Variants in GAS7 observed in about 807,000 individuals in gnomAD.
GAS7 encodes the protein growth arrest specific 7.
Under a neutral mutation model 71.1 loss-of-function variants are expected in GAS7, and 28 were observed. That is an observed-to-expected ratio of 0.39 (90% CI 0.29 to 0.54). The LOEUF is 0.54. Among genes scored for constraint, GAS7 ranks in the 20% least tolerant of loss-of-function variants. The pLI is 0.62. For missense variants in GAS7, 436 were observed against 627.8 expected, an observed-to-expected ratio of 0.69 and a Z score of 3.27; for synonymous variants, 258 against 245.8, an observed-to-expected ratio of 1.05 and a Z score of -0.46.
intron 1 of GAS7, among the ~76,000 whole-genome samples, chr17:10,144,630 A>G (rs2142100634): frequency 6.6e-6 from 1 of 151,986 alleles, no homozygotes; most frequent in East Asian, 1.9e-4. Flanking sequence ...TGCAGCTTTG[A>G]CCTCCAGGGC....
intron 1 of GAS7, among the ~76,000 whole-genome samples, chr17:10,121,734 G>C (rs970922656): frequency 2.6e-5 from 4 of 152,112 alleles, no homozygotes; most frequent in African/African-American, 9.7e-5. Flanking sequence ...AAAAGCATGG[G>C]GTATTGAAGA....
At chr17:10,065,251 T>C (rs1339977746) in intron 1 of GAS7, among the ~76,000 whole-genome samples, 1 of 152,252 alleles carries the variant, frequency 6.6e-6, no homozygotes, top group Non-Finnish European at 1.5e-5. Flanking sequence ...TTCTTGAGCC[T>C]GCACTTGTGG....
intron 1 of GAS7, among the ~76,000 whole-genome samples, chr17:10,145,269 A>C (rs1567609495): frequency 6.6e-6 from 1 of 152,260 alleles, no homozygotes; most frequent in Non-Finnish European, 1.5e-5. Context: ...TCAAAAGGAA[A>C]GAAAACACTC....
At chr17:10,102,928 G>A (rs1379096317) in intron 1 of GAS7, among the ~76,000 whole-genome samples, 1 of 152,080 alleles carries the variant, frequency 6.6e-6, no homozygotes, top group African/African-American at 2.4e-5. Flanking sequence ...ACACATTTTA[G>A]GAAACTGTCT....
At position 9,926,786 on chromosome 17, in the gene GAS7, G is replaced by A; in HGVS notation, c.886-17C>T. On this transcript the variant is annotated splice_polypyrimidine_tract_variant and intron_variant, in intron 9 of 13. Coordinates refer to ENST00000432992, the MANE Select transcript of GAS7 (RefSeq NM_201433.2). This position sits in a 1 kb window ranked among gnomAD's most constrained non-coding sequence, Gnocchi z 5.0. ...GCTGTGAAGCTGTTGGGAGAGTAGA[G>A]ACGCACACTCAGGACCCAGGGCATC... 1 of 1,613,972 alleles carries A rather than the reference G, an allele frequency of 6.2e-7. No homozygotes were observed. The highest frequency in any genetic ancestry group is 8.5e-7 in the Non-Finnish European group (1 of 1,179,874).
At chr17:9,986,507 A>G (rs552779982) in intron 2 of GAS7, among the ~76,000 whole-genome samples, 3 of 152,132 alleles carry the variant, frequency 2.0e-5, no homozygotes, top group Non-Finnish European at 4.4e-5. Flanking sequence ...TCCTCTCCCC[A>G]TCCCCCATCC....
intron 2 of GAS7, among the ~76,000 whole-genome samples, chr17:9,983,828 C>A (rs1468980069): frequency 5.3e-5 from 8 of 152,064 alleles, no homozygotes; most frequent in African/African-American, 1.9e-4. Flanking sequence ...ATTTTAAAAA[C>A]TTTCCAAAAT....
At chr17:9,953,598 C>T (rs1448030854) in intron 5 of GAS7, among the ~76,000 whole-genome samples, 3 of 152,222 alleles carry the variant, frequency 2.0e-5, no homozygotes, top group African/African-American at 7.2e-5. Flanking sequence ...AATCCAGATC[C>T]AGCTGACTGC....
chr17:9,917,363 C>G (rs776492239), intron 13 of GAS7, 22 bp from the exon 14 acceptor site: 1 of 1,547,982 alleles, frequency 6.5e-7, no homozygotes, highest in African/African-American at 1.4e-5. Context: ...AGAGAAAATG[C>G]GACACTGTTA....
intron 5 of GAS7, among the ~76,000 whole-genome samples, chr17:9,949,070 G>C (rs989681356): frequency 2.6e-5 from 4 of 152,092 alleles, no homozygotes; most frequent in African/African-American, 7.2e-5. Flanking sequence ...ACTGCAGCTG[G>C]GACAGGAGGG....
chr17:10,185,949 ATTTTTT>A (rs148937908), intron 1 of GAS7, among the ~76,000 whole-genome samples: 2 of 92,534 alleles, frequency 2.2e-5, no homozygotes, highest in Admixed American at 1.3e-4. Flanking sequence ...ATCAGTCTGC[ATTTTTT>A]TTTTTTTTTT....
At chr17:10,128,580 G>A (rs1296502171) in intron 1 of GAS7, among the ~76,000 whole-genome samples, 8 of 150,838 alleles carry the variant, frequency 5.3e-5, no homozygotes. Flanking sequence ...AACATCCCTT[G>A]CCTGTTTTCA....
At chr17:10,073,796 T>C (rs1049881295) in intron 1 of GAS7, among the ~76,000 whole-genome samples, 3 of 152,154 alleles carry the variant, frequency 2.0e-5, no homozygotes, top group Non-Finnish European at 4.4e-5. Context: ...CACCCTGACT[T>C]TTTTCTCAAC....
intron 1 of GAS7, among the ~76,000 whole-genome samples, chr17:10,174,878 C>T (rs2074361660): frequency 6.6e-6 from 1 of 152,126 alleles, no homozygotes; most frequent in Admixed American, 6.5e-5. Flanking sequence ...CAGGGTCTCA[C>T]TCTGTCACCC....
At chr17:9,973,783 G>A (rs1243440936) in intron 3 of GAS7, among the ~76,000 whole-genome samples, 1 of 152,224 alleles carries the variant, frequency 6.6e-6, no homozygotes, top group Non-Finnish European at 1.5e-5. Flanking sequence ...ACATGTGGCA[G>A]GCTTCCAGGT....
intron 2 of GAS7, among the ~76,000 whole-genome samples, chr17:10,004,622 C>T (rs925609718): frequency 1.3e-5 from 2 of 152,200 alleles, no homozygotes; most frequent in Non-Finnish European, 2.9e-5. Flanking sequence ...GAAACTGGTG[C>T]TTCATACCTG....
intron 1 of GAS7, among the ~76,000 whole-genome samples, chr17:10,086,237 A>G (rs1369975321): frequency 6.6e-6 from 1 of 152,202 alleles, no homozygotes; most frequent in Non-Finnish European, 1.5e-5. Context: ...TCCCATGGCA[A>G]CAAAGCATGC....
chr17:10,161,186 T>C (rs1321433658), intron 1 of GAS7, among the ~76,000 whole-genome samples: 1 of 152,190 alleles, frequency 6.6e-6, no homozygotes, highest in Non-Finnish European at 1.5e-5. Flanking sequence ...TCCAAGTTTA[T>C]AATCTTCCTA....
At position 9,926,850 on chromosome 17, in the gene GAS7, A is replaced by C; in HGVS notation, c.886-81T>G. ...TGCAGGGAGGAGGGATGGGAGGGGC[A>C]CCCCCACTTCCCCAGGCAAGTGAGG... On this transcript the variant is annotated intron_variant, in intron 9 of 13. Coordinates refer to ENST00000432992, the MANE Select transcript of GAS7 (RefSeq NM_201433.2). This position sits in a 1 kb window ranked among gnomAD's most constrained non-coding sequence, Gnocchi z 5.0. 1 of 1,476,636 alleles carries C rather than the reference A, an allele frequency of 6.8e-7. No homozygotes were observed. The highest frequency in any genetic ancestry group is 1.1e-5 in the South Asian group (1 of 87,926). 91.5% of individuals were successfully genotyped at this position (1,476,636 alleles called of 1,614,324 possible).
Sources: gnomAD v4.1 joint callset for allele counts (sites outside exome capture counted in the v4.1 genomes callset) on GRCh38, gnomAD v4.1.1 for gene constraint, Gnocchi (gnomAD v3.1) non-coding constraint, MANE v1.5 for transcripts, NCBI Gene and HGNC (gene_info 2026-07-23, HGNC 2026-07-21) for gene names.